ADCY2: variants seen among roughly 807,000 people sequenced by gnomAD.
ADCY2 encodes adenylate cyclase type 2.
ADCY2 carries 31 observed loss-of-function variants against 125.2 expected under a neutral mutation model. The ratio of observed to expected loss-of-function variants is 0.25; its 90% CI spans 0.19 to 0.33. ADCY2 has a LOEUF of 0.33. Ranked by LOEUF, ADCY2 falls within the 10% of genes least tolerant of loss-of-function variation. The probability of loss-of-function intolerance (pLI) is 1.00; values close to 1 mark genes in which losing one functional copy is unlikely to be tolerated. For missense variants in ADCY2, 904 were observed against 1,418.2 expected, an observed-to-expected ratio of 0.64 and a Z score of 5.82; for synonymous variants, 512 against 548.4, an observed-to-expected ratio of 0.93 and a Z score of 0.93.
chr5:7,638,573 T>A (rs1738584537), intron 4 of ADCY2, among the ~76,000 whole-genome samples: 1 of 152,206 alleles, frequency 6.6e-6, no homozygotes, highest in Non-Finnish European at 1.5e-5. Flanking sequence ...ACTCCCAGCA[T>A]GAGGCCAATG....
chr5:7,725,434 C>A (rs1741900506), intron 13 of ADCY2, among the ~76,000 whole-genome samples: 1 of 151,918 alleles, frequency 6.6e-6, no homozygotes, highest in African/African-American at 2.4e-5. Context: ...TATGATAATT[C>A]CTTCCAAAAT....
At chr5:7,586,455 A>G (rs1360415144) in intron 3 of ADCY2, among the ~76,000 whole-genome samples, 1 of 152,126 alleles carries the variant, frequency 6.6e-6, no homozygotes, top group Non-Finnish European at 1.5e-5. Context: ...TCCAGATCTC[A>G]GTGCAGGCCT....
At position 7,709,868 on chromosome 5, in the gene ADCY2, A is replaced by G. The variant is rs913101620; in HGVS notation, c.1578+481A>G. Among the ~76,000 whole-genome samples, 2 of 152,194 alleles carry G rather than the reference A, an allele frequency of 1.3e-5. No homozygotes were observed. The highest frequency in any genetic ancestry group is 4.8e-5 in the African/African-American group (2 of 41,446). ...TCCATGTTTCCCTGTGACCTCCAGC[A>G]TATGAGAAAGCTCCTTACACCAGGG... is the stretch of plus-strand genomic sequence containing the variant. On this transcript the variant is annotated intron_variant, in intron 10 of 24. Transcript: ENST00000338316. This position sits in a 1 kb window ranked among gnomAD's most constrained non-coding sequence, Gnocchi z 4.4.
chr5:7,709,144 C>G lies in ADCY2; in HGVS notation c.1402-67C>G. On this transcript the variant is annotated intron_variant, in intron 9 of 24. Transcript: ENST00000338316. This position sits in a 1 kb window ranked among gnomAD's most constrained non-coding sequence, Gnocchi z 4.4. ...AGGAATGACCCTAGTCCAATGAGGT[C>G]GATGCCAAAAGGATCATGTGTGGCC... The G allele has an allele frequency of 6.9e-7, 1 of 1,447,104 alleles. No homozygotes were observed. The highest frequency in any genetic ancestry group is 9.2e-7 in the Non-Finnish European group (1 of 1,090,150). The allele number at this position is 1,447,104 out of a possible 1,614,324, so 89.6% of individuals were successfully genotyped here. A position where few individuals can be genotyped will look rare whatever the true frequency, so the allele number is the denominator to read the frequency against.
intron 16 of ADCY2, among the ~76,000 whole-genome samples, chr5:7,763,111 C>G (rs1481108209): frequency 6.8e-5 from 10 of 147,762 alleles, no homozygotes; most frequent in Non-Finnish European, 1.5e-4. Context: ...TTTTTTTTTC[C>G]GAGACGGAGT....
In ADCY2 at chr5:7,626,233, G is replaced by C. The variant is rs761404738; in HGVS notation, c.637G>C (p.Glu213Gln). 1 of 1,614,078 alleles carries C rather than the reference G, an allele frequency of 6.2e-7. No homozygotes were observed. Among genetic ancestry groups the C allele is most frequent in the South Asian group, 1.1e-5 (1 of 91,076 alleles). Residue 213 changes from glutamate (E) to glutamine (Q), a missense_variant, in exon 4 of 25, where the codon GAA (glutamate) becomes CAA (glutamine). Transcript: ENST00000338316. ...GGGAGCCTACCATAAGCACCTCATGGAACTCGCTCTTCAGCAAACATATCA... is the reference window on the plus strand; with the variant it reads ...GGGAGCCTACCATAAGCACCTCATGCAACTCGCTCTTCAGCAAACATATCA... ...LAGAYHKHLM[E>Q]LALQQTYQDT...
At chr5:7,570,869 A>G (rs1022426472) in intron 3 of ADCY2, among the ~76,000 whole-genome samples, 1 of 152,282 alleles carries the variant, frequency 6.6e-6, no homozygotes, top group African/African-American at 2.4e-5. Context: ...GGGCACTGAC[A>G]TCTGTCCTTG....
At chr5:7,549,350 T>G (rs1735252171) in intron 3 of ADCY2, among the ~76,000 whole-genome samples, 2 of 152,318 alleles carry the variant, frequency 1.3e-5, no homozygotes, top group African/African-American at 2.4e-5. Context: ...GGAAGGGAGA[T>G]GGCAGAATCC....
At chr5:7,578,993 G>C (rs919966488) in intron 3 of ADCY2, among the ~76,000 whole-genome samples, 3 of 152,160 alleles carry the variant, frequency 2.0e-5, no homozygotes, top group Non-Finnish European at 2.9e-5. Context: ...AATTGAGAAA[G>C]TCATTGTCTT....
chr5:7,443,156 A>C (rs1741076262), intron 2 of ADCY2, among the ~76,000 whole-genome samples: 1 of 152,084 alleles, frequency 6.6e-6, no homozygotes, highest in African/African-American at 2.4e-5. Context: ...TCATTGCTCC[A>C]TGTCATTGTT....
At chr5:7,818,374 T>G (rs13174468) in intron 23 of ADCY2, among the ~76,000 whole-genome samples, 1 of 150,938 alleles carries the variant, frequency 6.6e-6, no homozygotes, top group African/African-American at 2.4e-5. Flanking sequence ...TTTTCTTTTG[T>G]GAGACAGAGT....
chr5:7,787,820 G>A (rs907053488), intron 19 of ADCY2, among the ~76,000 whole-genome samples: 1 of 152,100 alleles, frequency 6.6e-6, no homozygotes, highest in Non-Finnish European at 1.5e-5. Flanking sequence ...TACCTGTTAT[G>A]CAATAACAAT....
intron 3 of ADCY2, among the ~76,000 whole-genome samples, chr5:7,584,047 G>T (rs554220817): frequency 1.3e-5 from 2 of 152,162 alleles, no homozygotes; most frequent in Middle Eastern, 3.4e-3. Flanking sequence ...TTGCCTCTAG[G>T]AAAGAAGGAA....
chr5:7,814,994 C>T (rs965251812), intron 22 of ADCY2, among the ~76,000 whole-genome samples: 2 of 152,182 alleles, frequency 1.3e-5, no homozygotes, highest in African/African-American at 4.8e-5. Context: ...CAGCTCAACC[C>T]TCTGGTATCC....
intron 14 of ADCY2, among the ~76,000 whole-genome samples, chr5:7,727,836 C>T (rs1741977603): frequency 6.6e-6 from 1 of 151,998 alleles, no homozygotes; most frequent in Non-Finnish European, 1.5e-5. Flanking sequence ...TTTCATGCTT[C>T]GAGGTGAATT....
intron 4 of ADCY2, among the ~76,000 whole-genome samples, chr5:7,656,479 G>C (rs1739332386): frequency 6.6e-6 from 1 of 152,172 alleles, no homozygotes; most frequent in Admixed American, 6.5e-5. Flanking sequence ...TAAGCACTCT[G>C]GGAAAATTAA....
chr5:7,501,940 G>C (rs1306040426), intron 2 of ADCY2, among the ~76,000 whole-genome samples: 1 of 152,108 alleles, frequency 6.6e-6, no homozygotes, highest in Non-Finnish European at 1.5e-5. Context: ...CAGACGCAGA[G>C]AGTCTCTTTC....
chr5:7,754,532 C>T (rs1207114063), intron 15 of ADCY2, among the ~76,000 whole-genome samples: 1 of 151,972 alleles, frequency 6.6e-6, no homozygotes, highest in African/African-American at 2.4e-5. Context: ...CTTAAAGGTA[C>T]TAACTGTAGT....
chr5:7,728,552 T>C (rs1435720177), intron 14 of ADCY2, among the ~76,000 whole-genome samples: 1 of 152,114 alleles, frequency 6.6e-6, no homozygotes, highest in South Asian at 2.1e-4. Flanking sequence ...TTCAAACAAA[T>C]GTTAACAAAT....
Sources: allele counts gnomAD v4.1 joint callset (sites outside exome capture counted in the v4.1 genomes callset), GRCh38; gene constraint gnomAD v4.1.1; non-coding constraint Gnocchi (gnomAD v3.1); transcripts MANE v1.5; gene names NCBI Gene and HGNC (gene_info 2026-07-23, HGNC 2026-07-21).